Variants in CASK observed in about 807,000 individuals in gnomAD.
CASK encodes peripheral plasma membrane protein CASK.
Under a neutral mutation model 82.9 loss-of-function variants are expected in CASK, and 4 were observed. The ratio of observed to expected loss-of-function variants is 0.05; its 90% CI spans 0.02 to 0.11. The LOEUF (loss-of-function observed/expected upper bound fraction) is 0.11. CASK is among the 10% of genes least tolerant of loss of function. CASK has a pLI of 1.00. For synonymous variants in CASK, 259 were observed against 253.5 expected, an observed-to-expected ratio of 1.02 and a Z score of -0.20; for missense variants, 358 against 720.9, an observed-to-expected ratio of 0.50 and a Z score of 5.76.
intron 11 of CASK, among the ~76,000 whole-genome samples, chrX:41,621,077 C>T (rs1006217500): frequency 9.2e-6 from 1 of 109,008 alleles, no homozygotes; most frequent in Admixed American, 9.8e-5. Context: ...ACTACTGATA[C>T]ATCCAAGATG....
At chrX:41,586,677 G>A (rs940151017) in intron 14 of CASK, 2 of 350,552 alleles carry the variant, frequency 5.7e-6, no homozygotes, top group Non-Finnish European at 9.9e-6. Flanking sequence ...CTTGTCTGAT[G>A]AGTACAGTCC....
intron 5 of CASK, among the ~76,000 whole-genome samples, chrX:41,726,080 TG>T (rs1361562304): frequency 4.5e-5 from 5 of 112,126 alleles, no homozygotes; most frequent in Non-Finnish European, 9.4e-5. Flanking sequence ...CCCAAAGTGC[TG>T]GGATAACAGG....
At chrX:41,856,854 G>A (rs1000312024) in intron 1 of CASK, among the ~76,000 whole-genome samples, 1 of 108,614 alleles carries the variant, frequency 9.2e-6, no homozygotes, top group South Asian at 4.1e-4. Flanking sequence ...CAAGGCTGTT[G>A]AGGAAGTGGG....
chrX:41,557,178 C>A, intron 18 of CASK, 78 bp from the exon 19 acceptor site: 2 of 771,483 alleles, frequency 2.6e-6, no homozygotes, highest in East Asian at 3.2e-5. Flanking sequence ...CAGTAACAAC[C>A]ACAGTCTGAC....
chrX:41,536,605 A>AT (rs1018108572), intron 22 of CASK, among the ~76,000 whole-genome samples: 3 of 112,300 alleles, frequency 2.7e-5, no homozygotes, highest in African/African-American at 9.7e-5. Flanking sequence ...CACAATATAT[A>AT]AAAAAAGAAA....
At chrX:41,626,844 A>C (rs1195947104) in intron 9 of CASK, 141 bp from the exon 10 acceptor site, 1 of 476,025 alleles carries the variant, frequency 2.1e-6, no homozygotes, top group Non-Finnish European at 3.6e-6. Flanking sequence ...GTAGTTTTTA[A>C]ATTATTTCAG....
intron 20 of CASK, 97 bp from the exon 21 acceptor site, chrX:41,554,012 C>T (rs750428706): frequency 3.2e-5 from 20 of 623,549 alleles, no homozygotes; most frequent in Admixed American, 1.3e-4. Flanking sequence ...ACAATACAAA[C>T]AGGACATCAG....
chrX:41,780,619 G>A (rs1384824354), intron 3 of CASK, among the ~76,000 whole-genome samples: 1 of 111,577 alleles, frequency 9.0e-6, no homozygotes, highest in African/African-American at 3.3e-5. Context: ...TAAACCATTT[G>A]TGATTAAGTA....
intron 8 of CASK, among the ~76,000 whole-genome samples, chrX:41,647,484 T>C (rs1360299993): frequency 8.9e-6 from 1 of 111,826 alleles, no homozygotes; most frequent in Non-Finnish European, 1.9e-5. Context: ...GGCTCCACTG[T>C]AGTAAATTTT....
At chrX:41,880,914 C>CT (rs2071939164) in intron 1 of CASK, among the ~76,000 whole-genome samples, 1 of 111,607 alleles carries the variant, frequency 9.0e-6, no homozygotes, top group Non-Finnish European at 1.9e-5. Flanking sequence ...TAGACCAACT[C>CT]TACAGAAACC....
chrX:41,873,640 ATTC>A (rs907962991), intron 1 of CASK, among the ~76,000 whole-genome samples: 1 of 111,614 alleles, frequency 9.0e-6, no homozygotes, highest in African/African-American at 3.3e-5. Context: ...ATGGACCACA[ATTC>A]TTTCTAGGGA....
intron 1 of CASK, among the ~76,000 whole-genome samples, chrX:41,921,869 C>CAAA (rs11298104): frequency 2.5e-5 from 1 of 39,745 alleles, no homozygotes; most frequent in Non-Finnish European, 4.3e-5. Flanking sequence ...GCACCGCTTC[C>CAAA]AAAAAAAAAA....
At chrX:41,767,168 T>G (rs765619786) in intron 3 of CASK, among the ~76,000 whole-genome samples, 2 of 112,133 alleles carry the variant, frequency 1.8e-5, no homozygotes, top group Non-Finnish European at 3.8e-5. Flanking sequence ...GTTGATCCTT[T>G]AACAACACAG....
Position 41,725,151 on chromosome X carries a change from G to T in CASK, c.429+14233C>A, listed in dbSNP as rs1028369436. ...CTGTTTTCTAAATAAAAATAGCAAA[G>T]AAATAAAATTATAAAGACAGTGGTA... On this transcript the variant is annotated intron_variant, in intron 5 of 26. Coordinates refer to ENST00000378163, the MANE Select transcript of CASK (RefSeq NM_001367721.1). Among the ~76,000 whole-genome samples, 4 of 111,464 alleles carry T rather than the reference G, an allele frequency of 3.6e-5. No individual in the cohort carries two copies. In the East Asian group the frequency reaches 1.1e-3, roughly 31 times the overall value.
intron 3 of CASK, among the ~76,000 whole-genome samples, chrX:41,753,780 A>G (rs400971): frequency 0.19 from 21,335 of 110,872 alleles, 1,640 homozygotes; most frequent in Middle Eastern, 0.32. Context: ...CAGATACTCC[A>G]GAGGCAGAGG....
chrX:41,643,959 G>A (rs1322658514), intron 8 of CASK, among the ~76,000 whole-genome samples: 4 of 111,751 alleles, frequency 3.6e-5, no homozygotes, highest in Non-Finnish European at 7.5e-5. Flanking sequence ...TCAATACCTA[G>A]TTTATTGAGA....
At chrX:41,580,468 C>A (rs1210629590) in intron 14 of CASK, among the ~76,000 whole-genome samples, 2 of 111,583 alleles carry the variant, frequency 1.8e-5, no homozygotes, top group Non-Finnish European at 3.8e-5. Flanking sequence ...GGCCTCTACT[C>A]ATTCTTTTAA....
rs142563036 is a variant in CASK at position 41,895,979 on chromosome X, G to C, written c.59+26951C>G. ...CTGGCAACTGCCTTTTCTCCACATAGCAGAGGGCTTAAGTTACTCTCTGGA... is the reference window on the plus strand; with the variant it reads ...CTGGCAACTGCCTTTTCTCCACATACCAGAGGGCTTAAGTTACTCTCTGGA... On this transcript the variant is annotated intron_variant, in intron 1 of 26. Coordinates refer to ENST00000378163, the MANE Select transcript of CASK (RefSeq NM_001367721.1). 6.7e-3 allele frequency among the ~76,000 whole-genome samples: 748 copies of C among 111,786 alleles called. 6 individuals carry two copies. Among genetic ancestry groups the C allele is most frequent in the African/African-American group, 0.023 (707 of 30,751 alleles).
chrX:41,771,600 G>A lies in CASK; in HGVS notation c.278+15578C>T, dbSNP rs2069245922. Among the ~76,000 whole-genome samples the A allele has an allele frequency of 3.6e-5, 4 of 111,569 alleles. No homozygotes were observed. The South Asian group carries it at 1.5e-3, about 42-fold the overall frequency. On this transcript the variant is annotated intron_variant, in intron 3 of 26. Transcript: ENST00000378163. ...CTACAGTACTTGCACTGTTCAGGAG[G>A]ACAATAATGGTATCAATATCAGAAT...
Sources: gnomAD v4.1 joint callset for allele counts (sites outside exome capture counted in the v4.1 genomes callset) on GRCh38, gnomAD v4.1.1 for gene constraint, MANE v1.5 for transcripts, NCBI Gene and HGNC (gene_info 2026-07-23, HGNC 2026-07-21) for gene names.